Variants in TASP1 observed in about 807,000 individuals in gnomAD.
TASP1 encodes threonine aspartase 1.
A neutral mutation model predicts 56.6 loss-of-function variants in TASP1; 16 were observed. The ratio of observed to expected loss-of-function variants is 0.28; its 90% CI spans 0.19 to 0.43. The LOEUF (loss-of-function observed/expected upper bound fraction) is 0.43, where lower values mean the gene tolerates loss of function less well. Among genes scored for constraint, TASP1 ranks in the 20% least tolerant of loss-of-function variants. The probability of loss-of-function intolerance (pLI) is 1.00; values close to 1 mark genes in which losing one functional copy is unlikely to be tolerated. For missense variants in TASP1, 393 were observed against 511.6 expected, an observed-to-expected ratio of 0.77 and a Z score of 2.24; for synonymous variants, 179 against 184.2, an observed-to-expected ratio of 0.97 and a Z score of 0.23.
At chr20:13,225,011 A>G in the TASP1 span, among the ~76,000 whole-genome samples, 5 of 132,330 alleles carry the variant, frequency 3.8e-5, no homozygotes, top group East Asian at 1.0e-3. Context: ...ACGCCCGGCT[A>G]ATTTTTTTTT....
the TASP1 span, among the ~76,000 whole-genome samples, chr20:13,273,221 T>C: frequency 1.4e-5 from 2 of 146,100 alleles, no homozygotes; most frequent in Non-Finnish European, 3.0e-5. Context: ...GTCTTTTTTA[T>C]TTTATTTTAT....
the TASP1 span, among the ~76,000 whole-genome samples, chr20:13,233,024 CAA>C: frequency 3.5e-5 from 5 of 142,172 alleles, no homozygotes; most frequent in Admixed American, 7.0e-5. Context: ...GATGCTGGAC[CAA>C]AAAAAAAAAA....
At chr20:13,315,926 C>T in the TASP1 span, among the ~76,000 whole-genome samples, 1 of 151,886 alleles carries the variant, frequency 6.6e-6, no homozygotes, top group Non-Finnish European at 1.5e-5. Flanking sequence ...TCAAGACAAA[C>T]TTTTAAACAC....
the TASP1 span, among the ~76,000 whole-genome samples, chr20:13,202,783 GC>G: frequency 3.9e-5 from 6 of 152,190 alleles, no homozygotes; most frequent in Non-Finnish European, 1.5e-5. Flanking sequence ...TTACAGCTGG[GC>G]ATTTGCCTTA....
At chr20:13,506,875 T>G (rs2044151418) in intron 10 of TASP1, among the ~76,000 whole-genome samples, 1 of 116,282 alleles carries the variant, frequency 8.6e-6, no homozygotes, top group African/African-American at 3.2e-5. Flanking sequence ...GCCAGAGAAA[T>G]TAGGCCAAAA....
At chr20:13,345,917 A>T in the TASP1 span, among the ~76,000 whole-genome samples, 3 of 68,362 alleles carry the variant, frequency 4.4e-5, no homozygotes, top group Non-Finnish European at 2.5e-5. Flanking sequence ...TCAGTAGGTT[A>T]AAAAAAAAAA....
chr20:13,558,059 A>T (rs1403822861), intron 8 of TASP1, among the ~76,000 whole-genome samples: 1 of 152,218 alleles, frequency 6.6e-6, no homozygotes, highest in African/African-American at 2.4e-5. Flanking sequence ...CAAACTGATT[A>T]TCTCGTGGCA....
chr20:13,178,356 A>G, the TASP1 span, among the ~76,000 whole-genome samples: 2 of 152,164 alleles, frequency 1.3e-5, no homozygotes, highest in African/African-American at 2.4e-5. Flanking sequence ...AGGTTCCCCA[A>G]AAAACCTCAA....
intron 10 of TASP1, among the ~76,000 whole-genome samples, chr20:13,488,127 AAAG>A (rs887016421): frequency 4.1e-4 from 63 of 152,288 alleles, no homozygotes; most frequent in African/African-American, 1.4e-3. Context: ...GAGAGGAAAG[AAAG>A]AAGAAAGCAC....
the TASP1 span, among the ~76,000 whole-genome samples, chr20:13,303,737 G>T: frequency 6.6e-6 from 1 of 152,168 alleles, no homozygotes; most frequent in Non-Finnish European, 1.5e-5. Context: ...ATATACATAC[G>T]CCAGATACCA....
intron 5 of TASP1, among the ~76,000 whole-genome samples, chr20:13,585,804 C>CT (rs1326169226): frequency 6.6e-6 from 1 of 152,146 alleles, no homozygotes; most frequent in Non-Finnish European, 1.5e-5. Context: ...CCGGCAGTAT[C>CT]TATTAAAACA....
the TASP1 span, among the ~76,000 whole-genome samples, chr20:13,173,096 G>A: frequency 2.0e-5 from 3 of 152,148 alleles, no homozygotes; most frequent in Admixed American, 2.0e-4. Context: ...AGTGATCATG[G>A]AAGAGGGCTC....
chr20:13,313,008 G>A, the TASP1 span, among the ~76,000 whole-genome samples: 27 of 152,114 alleles, frequency 1.8e-4, no homozygotes, highest in Admixed American at 5.2e-4. Flanking sequence ...CCTCATCTGC[G>A]CATCTTCCAA....
At chr20:13,377,500 T>G in the TASP1 span, among the ~76,000 whole-genome samples, 1 of 152,236 alleles carries the variant, frequency 6.6e-6, no homozygotes, top group African/African-American at 2.4e-5. Flanking sequence ...GATTTTTGCA[T>G]CAGTGTTCAT....
At chr20:13,414,102 C>G (rs1009103193) in intron 13 of TASP1, among the ~76,000 whole-genome samples, 4 of 152,294 alleles carry the variant, frequency 2.6e-5, no homozygotes, top group East Asian at 1.9e-4. Flanking sequence ...GGACCAGTTA[C>G]TGCATTTAGT....
At chr20:13,630,774 A>C (rs2049059130) in intron 1 of TASP1, among the ~76,000 whole-genome samples, 1 of 151,834 alleles carries the variant, frequency 6.6e-6, no homozygotes, top group Non-Finnish European at 1.5e-5. Context: ...TGCCTATTCC[A>C]AAATAAAAAA....
At chr20:13,394,798 CACAG>C (rs2041460945) in intron 13 of TASP1, among the ~76,000 whole-genome samples, 1 of 152,068 alleles carries the variant, frequency 6.6e-6, no homozygotes, top group South Asian at 2.1e-4. Context: ...CCCTAAGAAG[CACAG>C]ACAGATTCTT....
the TASP1 span, among the ~76,000 whole-genome samples, chr20:13,219,701 G>A: frequency 6.6e-6 from 1 of 152,090 alleles, no homozygotes; most frequent in Admixed American, 6.5e-5. Context: ...AGATGCTTCA[G>A]GCATCTTTAA....
chr20:13,262,381 T>C, the TASP1 span, among the ~76,000 whole-genome samples: 2 of 152,080 alleles, frequency 1.3e-5, no homozygotes, highest in African/African-American at 4.8e-5. Context: ...TTTATCAAAG[T>C]GGTTCTGGAA....
Sources: allele counts gnomAD v4.1 joint callset (sites outside exome capture counted in the v4.1 genomes callset), GRCh38; gene constraint gnomAD v4.1.1; transcripts MANE v1.5; gene names NCBI Gene and HGNC (gene_info 2026-07-23, HGNC 2026-07-21).